GULP1: variants seen among roughly 807,000 people sequenced by gnomAD.
GULP1 encodes GULP PTB domain containing engulfment adaptor 1.
In GULP1, 19 loss-of-function variants were observed where a neutral mutation model predicts 40.9. The observed-to-expected ratio is 0.46, with a 90% CI of 0.32 to 0.68. The LOEUF is 0.68. Among genes scored for constraint, GULP1 ranks in the 30% least tolerant of loss-of-function variants. GULP1 has a pLI of 0.03. For missense variants in GULP1, 312 were observed against 362.2 expected, an observed-to-expected ratio of 0.86 and a Z score of 1.12; for synonymous variants, 119 against 117.6, an observed-to-expected ratio of 1.01 and a Z score of -0.08.
chr2:188,346,969 CAAAAA>C (rs111270430), intron 1 of GULP1, among the ~76,000 whole-genome samples: 1 of 122,606 alleles, frequency 8.2e-6, no homozygotes, highest in Non-Finnish European at 1.7e-5. Flanking sequence ...GACTCCGTCT[CAAAAA>C]AAAAAAAAAA....
chr2:188,376,312 A>G (rs1239870329), intron 1 of GULP1, among the ~76,000 whole-genome samples: 1 of 152,256 alleles, frequency 6.6e-6, no homozygotes, highest in African/African-American at 2.4e-5. Context: ...TACTTGCTTT[A>G]ATGCCTTTGT....
chr2:188,509,332 G>T (rs2064262368), intron 4 of GULP1, among the ~76,000 whole-genome samples: 1 of 152,072 alleles, frequency 6.6e-6, no homozygotes, highest in Non-Finnish European at 1.5e-5. Context: ...AACCTGGAAG[G>T]TAAAACAGGA....
intron 6 of GULP1, among the ~76,000 whole-genome samples, chr2:188,539,369 T>G (rs931279432): frequency 2.8e-4 from 43 of 152,140 alleles, no homozygotes; most frequent in Admixed American, 2.5e-3. Context: ...AGAGCTGTTA[T>G]TTAATTGACT....
chr2:188,534,202 C>A (rs1386311367), intron 6 of GULP1, among the ~76,000 whole-genome samples: 1 of 152,156 alleles, frequency 6.6e-6, no homozygotes, highest in Non-Finnish European at 1.5e-5. Context: ...TTCATCGCAG[C>A]ACTTTTCACA....
At chr2:188,420,581 G>A (rs907650212) in intron 2 of GULP1, among the ~76,000 whole-genome samples, 2 of 152,090 alleles carry the variant, frequency 1.3e-5, no homozygotes, top group Non-Finnish European at 2.9e-5. Flanking sequence ...TAAGACACGT[G>A]GACACCAGAG....
intron 4 of GULP1, 138 bp from the exon 5 acceptor site, chr2:188,522,618 T>C: frequency 7.8e-6 from 2 of 257,764 alleles, no homozygotes; most frequent in Admixed American, 1.1e-4. Flanking sequence ...AAAAATAATA[T>C]AAAATAATAA....
At chr2:188,480,649 G>A (rs190396410) in intron 3 of GULP1, among the ~76,000 whole-genome samples, 115 of 151,578 alleles carry the variant, frequency 7.6e-4, no homozygotes, top group Admixed American at 1.5e-3. Flanking sequence ...AATCATAGAC[G>A]AAATTTTAGT....
At chr2:188,415,856 C>T (rs1222712996) in intron 2 of GULP1, among the ~76,000 whole-genome samples, 1 of 152,134 alleles carries the variant, frequency 6.6e-6, no homozygotes, top group Non-Finnish European at 1.5e-5. Context: ...TGAGTCCGAT[C>T]ATTCCCAGTT....
intron 6 of GULP1, among the ~76,000 whole-genome samples, chr2:188,532,190 A>C (rs973914363): frequency 1.3e-5 from 2 of 152,230 alleles, no homozygotes; most frequent in East Asian, 1.9e-4. Context: ...CACTACGTTC[A>C]TATACCATAA....
intron 7 of GULP1, among the ~76,000 whole-genome samples, chr2:188,557,741 G>T (rs1005906070): frequency 2.6e-5 from 4 of 152,222 alleles, no homozygotes; most frequent in Non-Finnish European, 4.4e-5. Context: ...TCTGTGTGGG[G>T]TGTCTAATGA....
intron 11 of GULP1, 21 bp downstream of exon 11, chr2:188,587,970 G>T (rs191501091): frequency 8.8e-7 from 1 of 1,136,814 alleles, no homozygotes. Flanking sequence ...TGATAGACTG[G>T]CCCATAAATG....
intron 1 of GULP1, among the ~76,000 whole-genome samples, chr2:188,380,169 T>C (rs2048834068): frequency 6.6e-6 from 1 of 152,152 alleles, no homozygotes; most frequent in Non-Finnish European, 1.5e-5. Flanking sequence ...CTTAGTGAGA[T>C]GACTAGAATA....
intron 2 of GULP1, among the ~76,000 whole-genome samples, chr2:188,464,777 T>C (rs1050978297): frequency 6.6e-6 from 1 of 152,190 alleles, no homozygotes; most frequent in Non-Finnish European, 1.5e-5. Context: ...AGCCTCACCA[T>C]GTGGCCACTG....
At position 188,403,088 on chromosome 2, in the gene GULP1, C is replaced by T. The variant is rs563583517; in HGVS notation, c.-45+19199C>T. On this transcript the variant is annotated intron_variant, in intron 2 of 11. Coordinates refer to ENST00000409830, the MANE Select transcript of GULP1 (RefSeq NM_016315.4). Reference sequence around the variant, plus strand: ...AATCCAAAAATGTCAAACACCTAGTCAGTATTCCCTTGTCATCTTATTATG... The same window carrying T: ...AATCCAAAAATGTCAAACACCTAGTTAGTATTCCCTTGTCATCTTATTATG... 4.6e-5 allele frequency among the ~76,000 whole-genome samples: 7 copies of T among 152,170 alleles called. No individual in the cohort carries two copies. The East Asian group carries it at 1.4e-3, about 29-fold the overall frequency.
At chr2:188,544,298 T>C (rs1479265099) in intron 7 of GULP1, among the ~76,000 whole-genome samples, 21 of 152,096 alleles carry the variant, frequency 1.4e-4, no homozygotes, top group Admixed American at 1.4e-3. Flanking sequence ...ACAAAGGTTT[T>C]AGAACAGCCA....
chr2:188,460,653 G>C (rs1005823521), intron 2 of GULP1, among the ~76,000 whole-genome samples: 2 of 151,984 alleles, frequency 1.3e-5, no homozygotes, highest in African/African-American at 2.4e-5. Flanking sequence ...TCTTTCTCTT[G>C]TCTGATTTCT....
intron 7 of GULP1, among the ~76,000 whole-genome samples, chr2:188,545,988 AG>A (rs1691849491): frequency 6.6e-6 from 1 of 151,930 alleles, no homozygotes; most frequent in Non-Finnish European, 1.5e-5. Context: ...CCAGAGACAG[AG>A]GAGGGGCATA....
intron 2 of GULP1, among the ~76,000 whole-genome samples, chr2:188,416,482 A>T (rs1476329700): frequency 2.0e-5 from 3 of 152,190 alleles, no homozygotes; most frequent in Non-Finnish European, 4.4e-5. Context: ...CCAGCAGCCT[A>T]TTCTCATCTC....
chr2:188,574,576 G>A (rs1296230896), intron 9 of GULP1, among the ~76,000 whole-genome samples: 1 of 152,080 alleles, frequency 6.6e-6, no homozygotes, highest in Non-Finnish European at 1.5e-5. Flanking sequence ...GTAAGCCTGG[G>A]AGGTCAAGGT....
Sources: allele counts gnomAD v4.1 joint callset (sites outside exome capture counted in the v4.1 genomes callset), GRCh38; gene constraint gnomAD v4.1.1; transcripts MANE v1.5; gene names NCBI Gene and HGNC (gene_info 2026-07-23, HGNC 2026-07-21).